BMAL2: variants seen among roughly 807,000 people sequenced by gnomAD.
BMAL2 encodes basic helix-loop-helix ARNT-like protein 2.
At chr12:27,409,093 G>A in the BMAL2 span, among the ~76,000 whole-genome samples, 1 of 152,162 alleles carries the variant, frequency 6.6e-6, no homozygotes, top group Admixed American at 6.5e-5. Flanking sequence ...TGAAATAAAA[G>A]AGGATACAAA....
chr12:27,349,431 T>C, the BMAL2 span, among the ~76,000 whole-genome samples: 3 of 152,232 alleles, frequency 2.0e-5, no homozygotes, highest in Non-Finnish European at 4.4e-5. Flanking sequence ...AAAATTTATA[T>C]TTCACTAATT....
the BMAL2 span, chr12:27,421,860 T>C: frequency 3.3e-5 from 5 of 152,310 alleles, no homozygotes; most frequent in Admixed American, 1.3e-4. Context: ...TGGGAAAACA[T>C]TGGTCTCACA....
the BMAL2 span, chr12:27,380,548 T>A: frequency 4.8e-5 from 43 of 888,934 alleles, no homozygotes; most frequent in Admixed American, 7.8e-4. Context: ...GGCATTTGTC[T>A]ATAGTCTGTA....
chr12:27,377,059 T>A, the BMAL2 span, among the ~76,000 whole-genome samples: 1 of 150,918 alleles, frequency 6.6e-6, no homozygotes, highest in Non-Finnish European at 1.5e-5. Flanking sequence ...GTCAATTATT[T>A]CAACATATTT....
At chr12:27,420,019 GCACACACA>G in the BMAL2 span, among the ~76,000 whole-genome samples, 9 of 147,570 alleles carry the variant, frequency 6.1e-5, no homozygotes, top group African/African-American at 2.0e-4. Context: ...GTTTGCGCGT[GCACACACA>G]CACACACACA....
the BMAL2 span, among the ~76,000 whole-genome samples, chr12:27,410,090 AAAC>A: frequency 1.3e-5 from 2 of 151,496 alleles, no homozygotes; most frequent in African/African-American, 2.4e-5. Flanking sequence ...AAAAGTCAGG[AAAC>A]AACAGGTGCT....
the BMAL2 span, chr12:27,368,405 C>A: frequency 2.5e-6 from 4 of 1,613,912 alleles, no homozygotes; most frequent in Non-Finnish European, 3.4e-6. Flanking sequence ...TGATTCAGAC[C>A]CATCCCAGTA....
At chr12:27,404,836 G>T in the BMAL2 span, among the ~76,000 whole-genome samples, 1,649 of 152,304 alleles carry the variant, frequency 0.011, 16 homozygotes, top group South Asian at 0.014. Context: ...AGGGGTCAGG[G>T]AATTCCCTTT....
chr12:27,405,943 G>A, the BMAL2 span, among the ~76,000 whole-genome samples: 2 of 152,316 alleles, frequency 1.3e-5, no homozygotes, highest in African/African-American at 2.4e-5. Context: ...ACTACATGAC[G>A]AATGCAAAGC....
chr12:27,385,338 A>T, the BMAL2 span: 1 of 558,590 alleles, frequency 1.8e-6, no homozygotes, highest in African/African-American at 1.9e-5. Flanking sequence ...AAATTAAATG[A>T]AAATGAAAAA....
the BMAL2 span, among the ~76,000 whole-genome samples, chr12:27,387,066 A>G: frequency 6.6e-6 from 1 of 152,336 alleles, no homozygotes; most frequent in East Asian, 1.9e-4. Context: ...ATCTGTTTGC[A>G]TCTTAAGAAC....
At chr12:27,423,733 A>G in the BMAL2 span, 1 of 152,220 alleles carries the variant, frequency 6.6e-6, no homozygotes, top group Non-Finnish European at 1.5e-5. Context: ...ATTTAGCTGT[A>G]TGACCTCATG....
the BMAL2 span, among the ~76,000 whole-genome samples, chr12:27,377,011 A>G: frequency 6.6e-6 from 1 of 151,142 alleles, no homozygotes; most frequent in Non-Finnish European, 1.5e-5. Context: ...AAAAAAAAAA[A>G]AAAAAAAAAA....
the BMAL2 span, chr12:27,385,434 G>A: frequency 8.1e-7 from 1 of 1,239,246 alleles, no homozygotes; most frequent in African/African-American, 1.5e-5. Context: ...TAAGCATTTT[G>A]CCCTCTCTAC....
At chr12:27,413,909 CG>C in the BMAL2 span, among the ~76,000 whole-genome samples, 1 of 152,164 alleles carries the variant, frequency 6.6e-6, no homozygotes, top group East Asian at 1.9e-4. Context: ...TGGCACACAC[CG>C]GTAGTACCAG....
the BMAL2 span, among the ~76,000 whole-genome samples, chr12:27,372,264 G>A: frequency 1.3e-5 from 2 of 149,638 alleles, no homozygotes; most frequent in Non-Finnish European, 1.5e-5. Context: ...ATTATATGAT[G>A]TTTGTTCTTT....
chr12:27,346,420 G>A, the BMAL2 span, among the ~76,000 whole-genome samples: 2 of 152,056 alleles, frequency 1.3e-5, no homozygotes, highest in Non-Finnish European at 2.9e-5. Context: ...ATGCCACTGT[G>A]CCCGGCTAAT....
At chr12:27,424,796 T>A in the BMAL2 span, 1 of 152,258 alleles carries the variant, frequency 6.6e-6, no homozygotes, top group African/African-American at 2.4e-5. Flanking sequence ...AGCTGCTAAG[T>A]GGCCACTAGG....
the BMAL2 span, among the ~76,000 whole-genome samples, chr12:27,369,595 C>T: frequency 6.6e-6 from 1 of 152,202 alleles, no homozygotes; most frequent in African/African-American, 2.4e-5. Context: ...GTAGCTCCCA[C>T]TTATCTTGAA....
Sources: gnomAD v4.1 joint callset for allele counts (sites outside exome capture counted in the v4.1 genomes callset) on GRCh38, gnomAD v4.1.1 for gene constraint, MANE v1.5 for transcripts, NCBI Gene and HGNC (gene_info 2026-07-23, HGNC 2026-07-21) for gene names.